The following RCAN2 variants were observed in gnomAD, a reference collection of about 807,000 sequenced individuals.
The protein encoded by RCAN2 is calcipressin-2.
Under a neutral mutation model 23.6 loss-of-function variants are expected in RCAN2, and 9 were observed. That is an observed-to-expected ratio of 0.38 (90% CI 0.23 to 0.67). The LOEUF is 0.67. Ranked by LOEUF, RCAN2 falls within the 30% of genes least tolerant of loss-of-function variation. RCAN2 has a pLI of 0.51. For synonymous variants in RCAN2, 109 were observed against 115.7 expected (o/e 0.94, Z 0.37); for missense variants, 273 against 302.3 (o/e 0.90, Z 0.72).
chr6:46,439,991 C>G (rs927821200), intron 2 of RCAN2, among the ~76,000 whole-genome samples: 2 of 152,152 alleles, frequency 1.3e-5, no homozygotes, highest in Admixed American at 6.6e-5. Context: ...CCAAATTCTA[C>G]AACTTGACGG....
chr6:46,333,107 C>A (rs939302548), intron 2 of RCAN2, among the ~76,000 whole-genome samples: 1 of 151,992 alleles, frequency 6.6e-6, no homozygotes, highest in Non-Finnish European at 1.5e-5. Context: ...TAAATGTCTT[C>A]TTTTGAGAAG....
Position 46,375,514 on chromosome 6 carries a change from T to TA in RCAN2, c.225+81237dup, listed in dbSNP as rs548229032. On this transcript the variant is annotated intron_variant, in intron 2 of 4. Coordinates refer to ENST00000371374, the MANE Select transcript of RCAN2 (RefSeq NM_001251974.2). ...AAAGTCCAAAAGATCAACAAGCTTTTAAAAACCTTCTTGAATGTGGCCCTA... is the reference window on the plus strand; with the variant it reads ...AAAGTCCAAAAGATCAACAAGCTTTTAAAAAACCTTCTTGAATGTGGCCCTA... 8.5e-4 allele frequency among the ~76,000 whole-genome samples: 130 copies of TA among 152,334 alleles called. 2 individuals carry two copies. The highest frequency in any genetic ancestry group is 2.7e-3 in the African/African-American group (114 of 41,566).
intron 2 of RCAN2, among the ~76,000 whole-genome samples, chr6:46,400,448 T>C (rs1204447243): frequency 1.3e-5 from 2 of 152,178 alleles, no homozygotes; most frequent in African/African-American, 2.4e-5. Flanking sequence ...GCTTTTTTTC[T>C]CTTGTCCCTT....
At chr6:46,446,184 T>C (rs1464236413) in intron 2 of RCAN2, among the ~76,000 whole-genome samples, 1 of 148,036 alleles carries the variant, frequency 6.8e-6, no homozygotes, top group Non-Finnish European at 1.5e-5. Flanking sequence ...AAAAGAAACA[T>C]ATCACACGTA....
chr6:46,314,001 TG>T (rs11367573), intron 2 of RCAN2, among the ~76,000 whole-genome samples: 114,601 of 152,020 alleles, frequency 0.75, 43,865 homozygotes, highest in Non-Finnish European at 0.83. Flanking sequence ...CAACAAATAG[TG>T]GGGGGCTTTT....
intron 4 of RCAN2, among the ~76,000 whole-genome samples, chr6:46,227,822 G>C (rs1186681703): frequency 1.3e-5 from 2 of 152,134 alleles, no homozygotes; most frequent in Non-Finnish European, 2.9e-5. Flanking sequence ...GCTAGCTTTT[G>C]AATGTGTTTG....
chr6:46,276,378 A>C (rs1767705276), intron 2 of RCAN2, among the ~76,000 whole-genome samples: 1 of 152,196 alleles, frequency 6.6e-6, no homozygotes, highest in African/African-American at 2.4e-5. Context: ...AGCTCTGAGG[A>C]GAGACAAGCC....
At chr6:46,438,846 G>T (rs147532291) in intron 2 of RCAN2, among the ~76,000 whole-genome samples, 1 of 152,100 alleles carries the variant, frequency 6.6e-6, no homozygotes, top group African/African-American at 2.4e-5. Flanking sequence ...GCAATACTTG[G>T]GACATGGTAG....
chr6:46,330,037 G>A (rs1246590486), intron 2 of RCAN2, among the ~76,000 whole-genome samples: 1 of 152,136 alleles, frequency 6.6e-6, no homozygotes, highest in Non-Finnish European at 1.5e-5. Flanking sequence ...CTTCTGTATG[G>A]CCTTCTGGAT....
At chr6:46,253,789 A>G (rs1766814262) in intron 2 of RCAN2, among the ~76,000 whole-genome samples, 1 of 152,204 alleles carries the variant, frequency 6.6e-6, no homozygotes, top group Non-Finnish European at 1.5e-5. Flanking sequence ...AGATTATAAT[A>G]CCATATTTTT....
intron 2 of RCAN2, among the ~76,000 whole-genome samples, chr6:46,356,469 G>A (rs533551407): frequency 1.1e-4 from 16 of 152,048 alleles, no homozygotes; most frequent in Non-Finnish European, 2.1e-4. Flanking sequence ...TTTTTCCTAC[G>A]TGTCCTCAAA....
intron 1 of RCAN2, among the ~76,000 whole-genome samples, chr6:46,471,678 A>C (rs145964142): frequency 1.5e-3 from 223 of 152,268 alleles, no homozygotes; most frequent in African/African-American, 4.9e-3. Flanking sequence ...GAGGGGAATA[A>C]AATAGATGAC....
At chr6:46,352,732 G>A (rs1764702171) in intron 2 of RCAN2, among the ~76,000 whole-genome samples, 1 of 152,142 alleles carries the variant, frequency 6.6e-6, no homozygotes, top group South Asian at 2.1e-4. Context: ...AGTTGTCAGG[G>A]GAACATGAGG....
intron 2 of RCAN2, among the ~76,000 whole-genome samples, chr6:46,261,969 T>C (rs9296483): frequency 0.78 from 119,115 of 152,180 alleles, 46,985 homozygotes; most frequent in Non-Finnish European, 0.83. Flanking sequence ...CCAGTGACTA[T>C]TGAAAACATC....
chr6:46,287,014 AAAAG>A lies in RCAN2; in HGVS notation c.226-38122_226-38119del, dbSNP rs1354918247. On this transcript the variant is annotated intron_variant, in intron 2 of 4. Coordinates refer to ENST00000371374, the MANE Select transcript of RCAN2 (RefSeq NM_001251974.2). ...GAGTGAAACTCTATCTCAAAAAAAA[AAAAG>A]AAAGAAAGAGCACTTCAATACCCAA... Among the ~76,000 whole-genome samples the A allele has an allele frequency of 2.6e-5, 4 of 152,202 alleles. No individual in the cohort carries two copies. In the South Asian group the frequency reaches 6.2e-4, roughly 24 times the overall value.
intron 2 of RCAN2, among the ~76,000 whole-genome samples, chr6:46,349,598 C>A (rs1764586016): frequency 6.6e-6 from 1 of 152,026 alleles, no homozygotes; most frequent in Non-Finnish European, 1.5e-5. Flanking sequence ...AAAAAATCTG[C>A]CCTCAGGGAA....
At position 46,339,468 on chromosome 6, in the gene RCAN2, T is replaced by C. The variant is rs181618002; in HGVS notation, c.226-90572A>G. On this transcript the variant is annotated intron_variant, in intron 2 of 4. Coordinates refer to ENST00000371374, the MANE Select transcript of RCAN2 (RefSeq NM_001251974.2). The stretch of plus-strand genomic sequence containing the variant: ...ATATAAACGGGGGCATAGAATGAGG[T>C]GTCAAAGTGTGAGAAACTATGAGTA... Among the ~76,000 whole-genome samples the C allele has an allele frequency of 5.9e-4, 89 of 151,852 alleles. No homozygotes were observed. In the East Asian group the frequency reaches 0.013, roughly 22 times the overall value.
chr6:46,230,150 G>T (rs1765828430), intron 4 of RCAN2, among the ~76,000 whole-genome samples: 1 of 152,196 alleles, frequency 6.6e-6, no homozygotes, highest in Admixed American at 6.5e-5. Flanking sequence ...CTTCGTCTCA[G>T]AGGGGCACCT....
At chr6:46,458,772 C>T (rs1423214170) in intron 1 of RCAN2, among the ~76,000 whole-genome samples, 5 of 152,158 alleles carry the variant, frequency 3.3e-5, no homozygotes, top group African/African-American at 1.2e-4. Flanking sequence ...AATATTTTAG[C>T]ATAAAACACC....
Sources: allele counts gnomAD v4.1 joint callset (sites outside exome capture counted in the v4.1 genomes callset), GRCh38; gene constraint gnomAD v4.1.1; transcripts MANE v1.5; gene names NCBI Gene and HGNC (gene_info 2026-07-23, HGNC 2026-07-21).